Variants in UNC80 observed in about 807,000 individuals in gnomAD.
UNC80 encodes unc-80 subunit of NALCN channel complex, also known as protein unc-80 homolog.
In UNC80, 164 loss-of-function variants were observed where a neutral mutation model predicts 384.6. The observed-to-expected ratio is 0.43, with a 90% CI of 0.38 to 0.49. The LOEUF (loss-of-function observed/expected upper bound fraction) is 0.49. UNC80 is among the 20% of genes least tolerant of loss of function. UNC80 has a pLI of 0.00. For synonymous variants in UNC80, 1,486 were observed against 1,527.8 expected (o/e 0.97, Z 0.64); for missense variants, 3,330 against 4,143.0 (o/e 0.80, Z 5.39).
intron 35 of UNC80, among the ~76,000 whole-genome samples, chr2:209,925,828 C>T (rs1023757345): frequency 1.3e-5 from 2 of 152,030 alleles, no homozygotes; most frequent in African/African-American, 4.8e-5. Flanking sequence ...CCTCTCAAAG[C>T]CCAGACTGAG....
intron 7 of UNC80, among the ~76,000 whole-genome samples, chr2:209,804,692 T>C (rs2078776814): frequency 6.6e-6 from 1 of 151,546 alleles, no homozygotes; most frequent in Non-Finnish European, 1.5e-5. Context: ...TATATATATA[T>C]ATGTAAAAAA....
chr2:209,825,838 A>C, intron 13 of UNC80, 69 bp from the exon 14 acceptor site: 2 of 1,348,746 alleles, frequency 1.5e-6, no homozygotes, highest in Admixed American at 6.3e-5. Context: ...CATACAATAG[A>C]ATCTTAGCAA....
At chr2:209,874,988 T>A (rs575883084) in intron 23 of UNC80, among the ~76,000 whole-genome samples, 39 of 152,196 alleles carry the variant, frequency 2.6e-4, no homozygotes, top group Non-Finnish European at 4.7e-4. Context: ...CTCTTTCATG[T>A]CACTGAAGCC....
rs74517001 is a variant in UNC80, at chr2:209,829,280, C to T, written c.2527C>T (p.Arg843Ter). The change falls in exon 15 of 65, where the codon CGA (arginine) becomes TGA (stop). Residue 843 changes from arginine to a stop codon, truncating the protein, a stop_gained. Transcript: ENST00000673920. LOFTEE classifies it high-confidence loss of function. ...KLYKLDKMQFRQTMRDYVNKD... is the reference protein window; with the variant it reads ...KLYKLDKMQF ...ATACAAGCTAGATAAGATGCAGTTC[C>T]GACAAACCATGAGGGACTATGTGAA... 9.7e-6 allele frequency: 15 copies of T among 1,551,384 alleles called. No homozygotes were observed. Among genetic ancestry groups the T allele is most frequent in the Non-Finnish European group, 1.2e-5 (14 of 1,146,780 alleles).
chr2:209,959,771 G>A, intron 51 of UNC80, 64 bp downstream of exon 51: 14 of 1,451,804 alleles, frequency 9.6e-6, no homozygotes, highest in Non-Finnish European at 1.2e-5. Context: ...CTGAATGTGT[G>A]TGTTGGGTTG....
chr2:209,825,131 A>C (rs1375692743), intron 13 of UNC80, among the ~76,000 whole-genome samples: 1 of 152,198 alleles, frequency 6.6e-6, no homozygotes, highest in Non-Finnish European at 1.5e-5. Context: ...GACAGGCTGC[A>C]GCTTCCCAAA....
At chr2:209,829,483 G>A in intron 15 of UNC80, 104 bp downstream of exon 15, 1 of 1,223,712 alleles carries the variant, frequency 8.2e-7, no homozygotes, top group Non-Finnish European at 1.2e-6. Flanking sequence ...TAGAGGAAAA[G>A]ATACGTATGT....
intron 35 of UNC80, among the ~76,000 whole-genome samples, chr2:209,925,344 C>T (rs1201420755): frequency 6.6e-6 from 1 of 152,116 alleles, no homozygotes; most frequent in Admixed American, 6.5e-5. Flanking sequence ...GGTTCTTGGT[C>T]TCGCTGACTT....
In UNC80 at chr2:209,994,251, T is replaced by G. The variant is rs1454616302; in HGVS notation, c.9695T>G (p.Val3232Gly). 1.3e-6 allele frequency: 2 copies of G among 1,550,424 alleles called. No individual in the cohort carries two copies. Among genetic ancestry groups the G allele is most frequent in the Non-Finnish European group, 1.7e-6 (2 of 1,146,400 alleles). The change falls in exon 64 of 65, where the codon GTG becomes GGG. Residue 3232 changes from valine (V) to glycine (G), a missense_variant. This residue lies in a region of UNC80 where 236 missense variants were observed against 254.9 expected (regional missense o/e 0.93). Coordinates refer to ENST00000673920, the MANE Select transcript of UNC80 (RefSeq NM_001371986.1). ...ATAGTTGTTGCGGATCTCCACAGCG[T>G]GTCTCCCAAGCAGGTGAGGGCACTA... ...PAIVVADLHS[V>G]SPKQSENFPT...
At chr2:209,899,877 C>A (rs961431684) in intron 28 of UNC80, among the ~76,000 whole-genome samples, 4 of 152,218 alleles carry the variant, frequency 2.6e-5, no homozygotes, top group African/African-American at 9.7e-5. Flanking sequence ...GTCAGTCGGA[C>A]TTATTTGGAC....
intron 36 of UNC80, among the ~76,000 whole-genome samples, chr2:209,927,805 A>G (rs895925667): frequency 1.3e-5 from 2 of 152,172 alleles, no homozygotes; most frequent in African/African-American, 2.4e-5. Context: ...TAAGACAATC[A>G]TGAGGGCTGT....
chr2:209,779,939 T>G (rs1390154037), intron 4 of UNC80, among the ~76,000 whole-genome samples: 4 of 152,264 alleles, frequency 2.6e-5, no homozygotes, highest in Non-Finnish European at 2.9e-5. Flanking sequence ...CAGTGCCTGC[T>G]GTGCTCTACT....
At chr2:209,778,991 C>G (rs757190063) in intron 4 of UNC80, among the ~76,000 whole-genome samples, 5 of 152,184 alleles carry the variant, frequency 3.3e-5, no homozygotes, top group African/African-American at 7.2e-5. Context: ...AGATTTGAAA[C>G]CACCTATAAA....
chr2:209,885,987 A>T, intron 25 of UNC80, among the ~76,000 whole-genome samples: 1 of 151,404 alleles, frequency 6.6e-6, no homozygotes, highest in African/African-American at 2.4e-5. Flanking sequence ...CTGGTCTCAA[A>T]CTCCTGGCCT....
intron 22 of UNC80, among the ~76,000 whole-genome samples, chr2:209,864,001 C>T (rs746851995): frequency 2.0e-5 from 3 of 151,652 alleles, no homozygotes; most frequent in South Asian, 2.1e-4. Flanking sequence ...GGCTGCTGAC[C>T]CTTGGATGGG....
chr2:209,962,914 G>C (rs541062871), intron 51 of UNC80, among the ~76,000 whole-genome samples: 1 of 152,226 alleles, frequency 6.6e-6, no homozygotes, highest in Admixed American at 6.5e-5. Flanking sequence ...TAAATTATAA[G>C]AATAGATAAT....
intron 14 of UNC80, among the ~76,000 whole-genome samples, chr2:209,827,251 A>G (rs533618295): frequency 5.5e-4 from 84 of 152,246 alleles, no homozygotes; most frequent in Non-Finnish European, 8.1e-4. Context: ...GTATTACAGT[A>G]TGAATAAATG....
Position 209,813,721 on chromosome 2 carries a change from A to G in UNC80, c.1080A>G (p.Arg360=). The G allele has an allele frequency of 6.4e-7, 1 of 1,551,754 alleles. No homozygotes were observed. The highest frequency in any genetic ancestry group is 1.2e-5 in the South Asian group (1 of 84,058). Residue 360 remains arginine (R), a synonymous_variant, in exon 8 of 65, where the codon CGA becomes CGG. Coordinates refer to ENST00000673920, the MANE Select transcript of UNC80 (RefSeq NM_001371986.1). The part of the protein sequence containing the change: ...WSLMYYLQRL[R]HMLEEKPEKP... ...TGATGTACTATCTACAAAGGCTGCG[A>G]CACATGTTGGAAGAGAAGCCAGAAA...
At chr2:209,859,534 T>C (rs2083200265) in intron 22 of UNC80, among the ~76,000 whole-genome samples, 1 of 152,236 alleles carries the variant, frequency 6.6e-6, no homozygotes, top group Non-Finnish European at 1.5e-5. Context: ...TTTATATTCC[T>C]TTGGGTATAC....
Sources: gnomAD v4.1 joint callset for allele counts (sites outside exome capture counted in the v4.1 genomes callset) on GRCh38, gnomAD v4.1.1 for gene constraint, gnomAD v4.1.1 regional missense constraint, MANE v1.5 for transcripts, NCBI Gene and HGNC (gene_info 2026-07-23, HGNC 2026-07-21) for gene names.